The following SMIM43 variants were observed in gnomAD, a reference collection of about 807,000 sequenced individuals.
SMIM43 encodes Nodal Enhanced MEsendoderm Peptide.
At position 121,760,436 on chromosome 4, in the gene SMIM43, C is replaced by G; in HGVS notation, c.*538G>C. On this transcript the variant is annotated 3_prime_UTR_variant, in exon 6 of 6. Transcript: ENST00000643802. ...GCCCCGTTTTCTCTGTGGGCTTCCT[C>G]CTTCTTCTTGTGGGGTGCTGCGGGG... The G allele has an allele frequency of 1.9e-6, 3 of 1,556,030 alleles. No homozygotes were observed. The highest frequency in any genetic ancestry group is 2.6e-6 in the Non-Finnish European group (3 of 1,149,048).
intron 5 of SMIM43, among the ~76,000 whole-genome samples, chr4:121,760,686 T>C (rs568776689): frequency 2.6e-5 from 4 of 152,292 alleles, no homozygotes; most frequent in Middle Eastern, 3.4e-3. Context: ...AATAGGAAAG[T>C]GTGATTTTTC....
intron 3 of SMIM43, among the ~76,000 whole-genome samples, chr4:121,762,198 G>A (rs1007540913): frequency 6.6e-6 from 1 of 152,120 alleles, no homozygotes; most frequent in African/African-American, 2.4e-5. Context: ...ACAGGGGATC[G>A]TCAGGGGATG....
At position 121,759,795 on chromosome 4, in the gene SMIM43, G is replaced by A. The variant is rs1725955307; in HGVS notation, c.*1179C>T. 3 of 152,128 alleles carry A rather than the reference G, an allele frequency of 2.0e-5. No individual in the cohort carries two copies. In the South Asian group the frequency reaches 6.2e-4, roughly 32 times the overall value. 9.4% of individuals were successfully genotyped at this position (152,128 alleles called of 1,614,324 possible). ...CCCCTCCTCCATGCATGAAAGCGATGGTCTTTCTATAGGAATCAAATACAC... is the reference window on the plus strand; with the variant it reads ...CCCCTCCTCCATGCATGAAAGCGATAGTCTTTCTATAGGAATCAAATACAC... On this transcript the variant is annotated 3_prime_UTR_variant, in exon 6 of 6. Coordinates refer to ENST00000643802, the MANE Select transcript of SMIM43 (RefSeq NM_001384332.1).
At chr4:121,762,950 T>C (rs1726148494) in intron 2 of SMIM43, among the ~76,000 whole-genome samples, 152 bp from the exon 3 acceptor site, 1 of 152,224 alleles carries the variant, frequency 6.6e-6, no homozygotes, top group African/African-American at 2.4e-5. Context: ...ATCTTCAATG[T>C]CCATATTAAC....
At position 121,764,883 on chromosome 4, in the gene SMIM43, C is replaced by A. The variant is rs895943644; in HGVS notation, c.*31G>T. 2.5e-4 allele frequency: 100 copies of A among 398,014 alleles called. 1 individual carries two copies. Among genetic ancestry groups the A allele is most frequent in the South Asian group, 1.3e-4 (1 of 7,780 alleles). 24.7% of individuals were successfully genotyped at this position (398,014 alleles called of 1,614,324 possible). A position where few individuals can be genotyped will look rare whatever the true frequency, so the allele number is the denominator to read the frequency against. ...GACCCAGCCCAGCGCCCGCGCAGCT[C>A]GGTGCCCTCCCGCCAGTGCCCGCAC... On this transcript the variant is annotated 3_prime_UTR_variant, in exon 1 of 6. Transcript: ENST00000643802.
chr4:121,765,303 C>T (rs1726300064), upstream of SMIM43: 1 of 361,362 alleles, frequency 2.8e-6, no homozygotes, highest in Admixed American at 4.7e-5. Context: ...AAATCCGGCG[C>T]AGACTCTCCC....
chr4:121,761,741 T>G, intron 4 of SMIM43, 46 bp from the exon 5 acceptor site: 1 of 1,610,918 alleles, frequency 6.2e-7, no homozygotes, highest in Admixed American at 1.7e-5. Flanking sequence ...TTAGACATTT[T>G]AGATTTTGCA....
rs1726136336 is a variant in SMIM43, at chr4:121,762,750, T to C, written c.*255A>G. On this transcript the variant is annotated 3_prime_UTR_variant, in exon 3 of 6. Transcript: ENST00000643802. ...ACCCTGACTTTTCAATAGTCTCTTG[T>C]TTAGGAAGAATGATGGGCAGGTTAA... 6.6e-6 allele frequency: 1 copy of C among 152,184 alleles called. No individual in the cohort carries two copies. Among genetic ancestry groups the C allele is most frequent in the South Asian group, 2.1e-4 (1 of 4,836 alleles). The allele number at this position is 152,184 out of a possible 1,614,324, so 9.4% of individuals were successfully genotyped here.
At chr4:121,763,466 C>A (rs760280619) in intron 2 of SMIM43, among the ~76,000 whole-genome samples, 6 of 152,150 alleles carry the variant, frequency 3.9e-5, no homozygotes, top group Non-Finnish European at 7.4e-5. Context: ...ATATTTCACC[C>A]CATGAACCCC....
chr4:121,764,684 A>G (rs944156156), intron 1 of SMIM43, 133 bp downstream of exon 1: 2 of 384,060 alleles, frequency 5.2e-6, no homozygotes, highest in African/African-American at 4.2e-5. Context: ...GCACAGCGCC[A>G]GCCCAGACCC....
chr4:121,760,384 T>C lies in SMIM43; in HGVS notation c.*590A>G. 1 of 1,603,788 alleles carries C rather than the reference T, an allele frequency of 6.2e-7. No homozygotes were observed. Among genetic ancestry groups the C allele is most frequent in the Non-Finnish European group, 8.5e-7 (1 of 1,174,378 alleles). On this transcript the variant is annotated 3_prime_UTR_variant, in exon 6 of 6. Transcript: ENST00000643802. Reference sequence around the variant, plus strand: ...TTATTGGGCTGCTGAGGAAGCTCTTTAAAAGGAAGTGGATTTGAACTGGCA... The same window carrying C: ...TTATTGGGCTGCTGAGGAAGCTCTTCAAAAGGAAGTGGATTTGAACTGGCA...
rs932929566 is a variant in SMIM43 at position 121,764,838 on chromosome 4, G to C, written c.*76C>G. 2.5e-6 allele frequency: 1 copy of C among 396,794 alleles called. No individual in the cohort carries two copies. Among genetic ancestry groups the C allele is most frequent in the African/African-American group, 2.1e-5 (1 of 48,548 alleles). The allele number at this position is 396,794 out of a possible 1,614,324, so 24.6% of individuals were successfully genotyped here. On this transcript the variant is annotated 3_prime_UTR_variant, in exon 1 of 6. Transcript: ENST00000643802. Reference sequence around the variant, plus strand: ...GCACCTGGAAGCTGGGAGGCCGCGAGGACGGAGAATCGAGGCGGAGACCCA... The same window carrying C: ...GCACCTGGAAGCTGGGAGGCCGCGACGACGGAGAATCGAGGCGGAGACCCA...
At position 121,761,525 on chromosome 4, in the gene SMIM43, AT is replaced by A; in HGVS notation, c.*499+12del. 6.4e-7 allele frequency: 1 copy of A among 1,571,096 alleles called. No homozygotes were observed. The highest frequency in any genetic ancestry group is 1.2e-5 in the South Asian group (1 of 83,380). Reference sequence around the variant, plus strand: ...TCAAACTAAAAATAGAGTATTTCATATTTTTTACTCACCTAGTTCCAAGTTT... The same window carrying A: ...TCAAACTAAAAATAGAGTATTTCATATTTTTACTCACCTAGTTCCAAGTTT... On this transcript the variant is annotated intron_variant, in intron 5 of 5. Transcript: ENST00000643802.
chr4:121,764,602 C>T, intron 1 of SMIM43: 1 of 292,114 alleles, frequency 3.4e-6, no homozygotes, highest in Non-Finnish European at 6.3e-6. Flanking sequence ...AAAGTCATTC[C>T]GGCTCCAAAG....
Position 121,765,154 on chromosome 4 carries a change from A to T in SMIM43, c.-49T>A, listed in dbSNP as rs1035475838. 1 of 394,194 alleles carries T rather than the reference A, an allele frequency of 2.5e-6. No individual in the cohort carries two copies. The highest frequency in any genetic ancestry group is 4.5e-6 in the Non-Finnish European group (1 of 223,124). The allele number at this position is 394,194 out of a possible 1,614,324, so 24.4% of individuals were successfully genotyped here. ...GCCCTGCGCGCTCGGCGCGGGCTGC[A>T]GCTGGAGGGCGAGCGCGCCGCCCGC... On this transcript the variant is annotated 5_prime_UTR_variant, in exon 1 of 6. Coordinates refer to ENST00000643802, the MANE Select transcript of SMIM43 (RefSeq NM_001384332.1).
At chr4:121,763,570 A>T (rs1046953896) in intron 2 of SMIM43, among the ~76,000 whole-genome samples, 194 bp downstream of exon 2, 1 of 152,172 alleles carries the variant, frequency 6.6e-6, no homozygotes, top group Non-Finnish European at 1.5e-5. Context: ...TAAGACACTG[A>T]TTCTTGCAAT....
Position 121,761,863 on chromosome 4 carries a change from C to A in SMIM43, c.*308G>T. The A allele has an allele frequency of 6.2e-7, 1 of 1,612,342 alleles. No homozygotes were observed. Among genetic ancestry groups the A allele is most frequent in the Non-Finnish European group, 8.5e-7 (1 of 1,179,486 alleles). On this transcript the variant is annotated 3_prime_UTR_variant, in exon 4 of 6. Coordinates refer to ENST00000643802, the MANE Select transcript of SMIM43 (RefSeq NM_001384332.1). Reference sequence around the variant, plus strand: ...AAATTAGTGCAACAGCCAAGATTGTCCTGATAAGATCTGAAGCCATTTTGA... The same window carrying A: ...AAATTAGTGCAACAGCCAAGATTGTACTGATAAGATCTGAAGCCATTTTGA...
In SMIM43 at chr4:121,760,407, G is replaced by A; in HGVS notation, c.*567C>T. 1.9e-6 allele frequency: 3 copies of A among 1,577,848 alleles called. No homozygotes were observed. The highest frequency in any genetic ancestry group is 1.1e-5 in the South Asian group (1 of 87,276). On this transcript the variant is annotated 3_prime_UTR_variant, in exon 6 of 6. Transcript: ENST00000643802. ...TTTAAAAGGAAGTGGATTTGAACTG[G>A]CATGCCCCGTTTTCTCTGTGGGCTT...
In SMIM43 at chr4:121,760,120, A is replaced by G; in HGVS notation, c.*854T>C. On this transcript the variant is annotated 3_prime_UTR_variant, in exon 6 of 6. Transcript: ENST00000643802. ...CTGCTTGGAGCTTTGACAGTTGTGA[A>G]GGAACTAGAGTTTTGATCTTTTTGA... is the stretch of plus-strand genomic sequence containing the variant. The G allele has an allele frequency of 1.0e-6, 1 of 979,332 alleles. No individual in the cohort carries two copies. The highest frequency in any genetic ancestry group is 1.5e-6 in the Non-Finnish European group (1 of 687,916). 60.7% of individuals were successfully genotyped at this position (979,332 alleles called of 1,614,324 possible).
Sources: allele counts gnomAD v4.1 joint callset (sites outside exome capture counted in the v4.1 genomes callset), GRCh38; gene constraint gnomAD v4.1.1; transcripts MANE v1.5; gene names NCBI Gene and HGNC (gene_info 2026-07-23, HGNC 2026-07-21).